The following C16orf96 variants were observed in gnomAD, a reference collection of about 807,000 sequenced individuals.
The protein encoded by C16orf96 is uncharacterized protein C16orf96.
Under a neutral mutation model 103.6 loss-of-function variants are expected in C16orf96, and 108 were observed. The ratio of observed to expected loss-of-function variants is 1.04; its 90% CI spans 0.89 to 1.22. The LOEUF (loss-of-function observed/expected upper bound fraction) is 1.22, where lower values mean the gene tolerates loss of function less well. Among genes scored for constraint, C16orf96 ranks in the 50% most tolerant of loss-of-function variants. The pLI is 0.00. For missense variants in C16orf96, 1,586 were observed against 1,464.2 expected, an observed-to-expected ratio of 1.08 and a Z score of -1.36; for synonymous variants, 566 against 593.5, an observed-to-expected ratio of 0.95 and a Z score of 0.67.
At chr16:4,557,347 G>T (rs1005399369) in intron 1 of C16orf96, among the ~76,000 whole-genome samples, 1 of 152,104 alleles carries the variant, frequency 6.6e-6, no homozygotes, top group Admixed American at 6.6e-5. Context: ...GGGTGCTTTA[G>T]AGTCAGGCAC....
intron 15 of C16orf96, among the ~76,000 whole-genome samples, chr16:4,599,726 T>C (rs989350750): frequency 4.6e-5 from 7 of 152,224 alleles, no homozygotes; most frequent in African/African-American, 1.4e-4. Flanking sequence ...TCCCGACTCC[T>C]GTGAGGCAGG....
chr16:4,571,177 C>A (rs1385312680), intron 1 of C16orf96, among the ~76,000 whole-genome samples: 1 of 152,102 alleles, frequency 6.6e-6, no homozygotes, highest in Non-Finnish European at 1.5e-5. Context: ...CAGAGTGAGA[C>A]TCCATCTTAG....
intron 1 of C16orf96, among the ~76,000 whole-genome samples, chr16:4,557,121 C>T (rs2059273871): frequency 6.6e-6 from 1 of 152,178 alleles, no homozygotes; most frequent in African/African-American, 2.4e-5. Context: ...AGGCACATGC[C>T]ACCACACCCG....
chr16:4,593,101 TG>T lies in C16orf96; in HGVS notation c.2775-121del. The T allele has an allele frequency of 1.1e-6, 1 of 888,252 alleles. No homozygotes were observed. Among genetic ancestry groups the T allele is most frequent in the Non-Finnish European group, 1.8e-6 (1 of 562,950 alleles). 55.0% of individuals were successfully genotyped at this position (888,252 alleles called of 1,614,324 possible). On this transcript the variant is annotated intron_variant, in intron 11 of 15. Coordinates refer to ENST00000444310, the MANE Select transcript of C16orf96 (RefSeq NM_001145011.2). The surrounding 1 kb of genome is among the most constrained non-coding windows in gnomAD (Gnocchi z 4.2). ...TGTGGACGCTTCTGGCATTCGAGGG[TG>T]GTGACCTGAGTCTGCACCTCCTTCC...
In C16orf96 at chr16:4,599,365, G is replaced by T. The variant is rs114817598; in HGVS notation, c.3208+1G>T. On this transcript the variant is annotated splice_donor_variant, in intron 15 of 15. Transcript: ENST00000444310. LOFTEE classifies it high-confidence loss of function. ...GCCCTATTTGGCGCCATCTGCCCCC[G>T]TGAGTACCTGGTTCCCAGCCCCAGC... 6.4e-7 allele frequency: 1 copy of T among 1,551,002 alleles called. No homozygotes were observed. The highest frequency in any genetic ancestry group is 8.7e-7 in the Non-Finnish European group (1 of 1,146,402).
chr16:4,576,754 C>T, intron 5 of C16orf96, 119 bp downstream of exon 5: 2 of 1,003,638 alleles, frequency 2.0e-6, no homozygotes, highest in Non-Finnish European at 2.9e-6. Context: ...CCACCATTAG[C>T]CATTCTTTCC....
chr16:4,551,229 C>A, the C16orf96 span, among the ~76,000 whole-genome samples: 5 of 152,196 alleles, frequency 3.3e-5, no homozygotes, highest in African/African-American at 1.2e-4. Flanking sequence ...GCGATCGCAC[C>A]ACTGCACTCC....
At chr16:4,598,198 A>G (rs942985961) in intron 14 of C16orf96, among the ~76,000 whole-genome samples, 3 of 152,126 alleles carry the variant, frequency 2.0e-5, no homozygotes, top group African/African-American at 7.2e-5. Context: ...TAAAAAATAC[A>G]AAAATTAGCA....
chr16:4,589,745 G>T (rs1567455258), intron 9 of C16orf96, among the ~76,000 whole-genome samples: 1 of 152,182 alleles, frequency 6.6e-6, no homozygotes, highest in Non-Finnish European at 1.5e-5. Context: ...TATTAAACAT[G>T]ATAATAGTGT....
At chr16:4,550,031 C>T in the C16orf96 span, among the ~76,000 whole-genome samples, 1 of 152,014 alleles carries the variant, frequency 6.6e-6, no homozygotes. Context: ...CATGTACTCA[C>T]TTTGCCTGTT....
intron 7 of C16orf96, among the ~76,000 whole-genome samples, chr16:4,582,418 G>A (rs943601063): frequency 1.3e-5 from 2 of 152,148 alleles, no homozygotes; most frequent in Admixed American, 6.5e-5. Flanking sequence ...AGGGACCAAG[G>A]AAACCCATGG....
chr16:4,586,477 G>A (rs967103621), intron 7 of C16orf96, among the ~76,000 whole-genome samples: 1 of 152,180 alleles, frequency 6.6e-6, no homozygotes, highest in East Asian at 1.9e-4. Context: ...ACTATGGCCC[G>A]ACCCTCTGGG....
At chr16:4,578,245 A>G (rs1243896085) in intron 5 of C16orf96, among the ~76,000 whole-genome samples, 1 of 151,932 alleles carries the variant, frequency 6.6e-6, no homozygotes, top group South Asian at 2.1e-4. Flanking sequence ...TGGGTTCGAG[A>G]GATTCTCCTG....
At chr16:4,549,712 C>T in the C16orf96 span, among the ~76,000 whole-genome samples, 4,755 of 151,918 alleles carry the variant, frequency 0.031, 252 homozygotes, top group African/African-American at 0.11. Context: ...GCAGGAGAAT[C>T]GCTTGAATCT....
chr16:4,546,325 A>G, the C16orf96 span, among the ~76,000 whole-genome samples: 160 of 151,148 alleles, frequency 1.1e-3, no homozygotes, highest in Non-Finnish European at 1.7e-3. Context: ...CGCCCAGCTA[A>G]TTTTTTGTGT....
intron 7 of C16orf96, among the ~76,000 whole-genome samples, chr16:4,582,587 G>A (rs1474740922): frequency 1.3e-5 from 2 of 152,150 alleles, no homozygotes; most frequent in African/African-American, 2.4e-5. Context: ...TGGGCCGAGT[G>A]TGGGTGGACT....
At chr16:4,585,306 A>AG (rs1336937136) in intron 7 of C16orf96, among the ~76,000 whole-genome samples, 1 of 132,662 alleles carries the variant, frequency 7.5e-6, no homozygotes, top group East Asian at 2.2e-4. Flanking sequence ...AAAAAAAAAA[A>AG]AAAAAATCCA....
chr16:4,577,789 C>T (rs1324168782), intron 5 of C16orf96, among the ~76,000 whole-genome samples: 1 of 152,078 alleles, frequency 6.6e-6, no homozygotes, highest in Non-Finnish European at 1.5e-5. Flanking sequence ...AACTCCGTCT[C>T]GACTAAAAAT....
intron 2 of C16orf96, among the ~76,000 whole-genome samples, chr16:4,573,019 C>A (rs1455785267): frequency 6.6e-6 from 1 of 152,166 alleles, no homozygotes; most frequent in Non-Finnish European, 1.5e-5. Flanking sequence ...TGTATTTGAT[C>A]ATCATGGCAA....
Sources: allele counts gnomAD v4.1 joint callset (sites outside exome capture counted in the v4.1 genomes callset), GRCh38; gene constraint gnomAD v4.1.1; non-coding constraint Gnocchi (gnomAD v3.1); transcripts MANE v1.5; gene names NCBI Gene and HGNC (gene_info 2026-07-23, HGNC 2026-07-21).